Variants in SLC36A1 observed in about 807,000 individuals in gnomAD.
The protein encoded by SLC36A1 is solute carrier family 36 member 1, also known as proton-coupled amino acid transporter 1.
Under a neutral mutation model 47.5 loss-of-function variants are expected in SLC36A1, and 30 were observed. The ratio of observed to expected loss-of-function variants is 0.63; its 90% confidence interval spans 0.47 to 0.86. SLC36A1 has a LOEUF of 0.86. Ranked by LOEUF, SLC36A1 falls within the 40% of genes least tolerant of loss-of-function variation. The pLI, the probability that SLC36A1 is intolerant of heterozygous loss-of-function variation, is 0.00. For synonymous variants in SLC36A1, 255 were observed against 249.7 expected, an observed-to-expected ratio of 1.02 and a Z score of -0.20; for missense variants, 517 against 606.0, an observed-to-expected ratio of 0.85 and a Z score of 1.54.
chr5:151,525,888 G>A, the SLC36A1 span: 3 of 1,614,208 alleles, frequency 1.9e-6, no homozygotes, highest in East Asian at 6.7e-5. Flanking sequence ...TTCGAAACGA[G>A]TAGGGGGGGC....
chr5:151,522,103 C>A, the SLC36A1 span: 1 of 1,548,720 alleles, frequency 6.5e-7, no homozygotes, highest in Non-Finnish European at 8.8e-7. Flanking sequence ...GCAAAACAAA[C>A]ACTGCTGTCA....
At chr5:151,413,557 C>T in the SLC36A1 span, among the ~76,000 whole-genome samples, 2 of 151,998 alleles carry the variant, frequency 1.3e-5, no homozygotes, top group African/African-American at 2.4e-5. Context: ...TAACTTTCGC[C>T]TTTTTATTTT....
the SLC36A1 span, among the ~76,000 whole-genome samples, chr5:151,424,976 G>C: frequency 6.6e-6 from 1 of 152,080 alleles, no homozygotes; most frequent in African/African-American, 2.4e-5. Context: ...TAAATTATAT[G>C]GTGTATAAAG....
chr5:151,527,484 C>G, the SLC36A1 span: 1 of 1,120,410 alleles, frequency 8.9e-7, no homozygotes, highest in Admixed American at 2.8e-5. Flanking sequence ...GAGACACTTT[C>G]CTATGCCCAC....
At chr5:151,521,875 G>A in the SLC36A1 span, 1 of 1,614,154 alleles carries the variant, frequency 6.2e-7, no homozygotes, top group Admixed American at 1.7e-5. Context: ...CCTGCCCAGG[G>A]TCTCCTCTTC....
chr5:151,440,697 C>G (rs530509656), intron 1 of SLC36A1, among the ~76,000 whole-genome samples: 5 of 152,150 alleles, frequency 3.3e-5, no homozygotes, highest in Non-Finnish European at 5.9e-5. Context: ...AGCGCCTGAT[C>G]TCATCTGCTT....
downstream of SLC36A1, among the ~76,000 whole-genome samples, chr5:151,493,391 C>T (rs1760247798): frequency 6.6e-6 from 1 of 152,174 alleles, no homozygotes; most frequent in Admixed American, 6.5e-5. Context: ...GACACCCCCA[C>T]CACCACCACT....
At chr5:151,537,316 A>AG in the SLC36A1 span, among the ~76,000 whole-genome samples, 7,110 of 65,910 alleles carry the variant, frequency 0.11, 199 homozygotes, top group South Asian at 0.21. Flanking sequence ...GAAGAAAAAG[A>AG]AAGAGAAAAA....
intron 10 of SLC36A1, among the ~76,000 whole-genome samples, chr5:151,480,477 G>A (rs997971364): frequency 5.3e-5 from 8 of 152,162 alleles, no homozygotes; most frequent in African/African-American, 1.7e-4. Context: ...AAGTTGTCTA[G>A]CATTTGCTCT....
At chr5:151,443,226 A>T (rs75380744), upstream of SLC36A1, among the ~76,000 whole-genome samples, 7,221 of 150,222 alleles carry the variant, frequency 0.048, 362 homozygotes, top group African/African-American at 0.13. Flanking sequence ...TGTTTTTTTT[A>T]AAAAAAGAAA....
At chr5:151,509,813 T>A in the SLC36A1 span, 1 of 580,604 alleles carries the variant, frequency 1.7e-6, no homozygotes, top group Non-Finnish European at 3.1e-6. Context: ...CCGTTTCTCC[T>A]GCCTGGTCCG....
In SLC36A1 at chr5:151,467,872, G is replaced by A; in HGVS notation, c.670G>A (p.Ala224Thr). The A allele has an allele frequency of 1.2e-6, 2 of 1,613,676 alleles. No individual in the cohort carries two copies. Among genetic ancestry groups the A allele is most frequent in the Non-Finnish European group, 1.7e-6 (2 of 1,179,920 alleles). The change falls in exon 7 of 11, where the codon GCC becomes ACC. Residue 224 changes from alanine to threonine, a missense_variant. By Grantham distance (58) the Ala-to-Thr change is moderately conservative. Transcript: ENST00000243389. ...AGCCCTGTCCATCTTCTCCCTGTTG[G>A]CCAACATCACCATGCTGGTCAGCTT... ...LRALSIFSLL[A>T]NITMLVSLVM... is the part of the protein sequence containing the mutation.
At chr5:151,471,779 A>G (rs1254995785) in intron 7 of SLC36A1, among the ~76,000 whole-genome samples, 1 of 152,252 alleles carries the variant, frequency 6.6e-6, no homozygotes, top group African/African-American at 2.4e-5. Flanking sequence ...ATAGAGCTTA[A>G]TAATGGATCT....
chr5:151,515,407 T>G, the SLC36A1 span, among the ~76,000 whole-genome samples: 2 of 152,186 alleles, frequency 1.3e-5, no homozygotes, highest in Non-Finnish European at 2.9e-5. Context: ...ACGTATGCGC[T>G]GAAGACTCCC....
intron 10 of SLC36A1, among the ~76,000 whole-genome samples, chr5:151,485,175 T>C (rs1759355890): frequency 6.6e-6 from 1 of 152,160 alleles, no homozygotes; most frequent in Admixed American, 6.5e-5. Flanking sequence ...GCTGAAAACA[T>C]AGTAGTTTTG....
the SLC36A1 span, among the ~76,000 whole-genome samples, chr5:151,376,039 G>A: frequency 6.6e-6 from 1 of 152,094 alleles, no homozygotes; most frequent in Admixed American, 6.5e-5. Flanking sequence ...TGTTGAATAG[G>A]AATGGTGAGA....
the SLC36A1 span, among the ~76,000 whole-genome samples, chr5:151,426,205 C>T: frequency 5.2e-3 from 784 of 152,192 alleles, 8 homozygotes; most frequent in African/African-American, 0.018. Context: ...TCAGGTGGGA[C>T]GAGAGACTGA....
the SLC36A1 span, among the ~76,000 whole-genome samples, chr5:151,378,893 C>T: frequency 1.3e-5 from 2 of 152,372 alleles, no homozygotes; most frequent in South Asian, 2.1e-4. Context: ...CCATGCTGCA[C>T]TCACCCAGCA....
At chr5:151,392,187 C>T in the SLC36A1 span, among the ~76,000 whole-genome samples, 4 of 152,120 alleles carry the variant, frequency 2.6e-5, no homozygotes, top group Non-Finnish European at 5.9e-5. Context: ...AGTTTATTTG[C>T]GTAGAGGTGT....
Sources: allele counts gnomAD v4.1 joint callset (sites outside exome capture counted in the v4.1 genomes callset), GRCh38; gene constraint gnomAD v4.1.1; transcripts MANE v1.5; gene names NCBI Gene and HGNC (gene_info 2026-07-23, HGNC 2026-07-21).